KIAA1958: variants seen among roughly 807,000 people sequenced by gnomAD.
KIAA1958 encodes KIAA1958, also known as uncharacterized protein KIAA1958.
A neutral mutation model predicts 47.2 loss-of-function variants in KIAA1958; 14 were observed. The ratio of observed to expected loss-of-function variants is 0.30; its 90% confidence interval spans 0.20 to 0.46. The LOEUF (loss-of-function observed/expected upper bound fraction) is 0.46. KIAA1958 is among the 20% of genes least tolerant of loss of function. The pLI is 1.00. For synonymous variants in KIAA1958, 354 were observed against 353.3 expected (o/e 1.00, Z -0.02); for missense variants, 803 against 909.2 (o/e 0.88, Z 1.50).
Position 112,659,958 on chromosome 9 carries a change from A to G in KIAA1958, c.2040A>G (p.Gly680=), listed in dbSNP as rs1837245749. Residue 680 remains glycine, a synonymous_variant, in exon 4 of 4, where the codon GGA becomes GGG. Transcript: ENST00000337530. ...GGATGGGGCTGCGCTCTCTTCGGGG[A>G]ATTGTCCCAAACTTAGCCAAGAAGG... ...EQRMGLRSLR[G]IVPNLAKKVK... is the part of the protein sequence containing the mutation. 6.2e-7 allele frequency: 1 copy of G among 1,614,188 alleles called. No individual in the cohort carries two copies. Among genetic ancestry groups the G allele is most frequent in the East Asian group, 2.2e-5 (1 of 44,876 alleles).
chr9:112,658,464 G>T (rs1837192808), intron 3 of KIAA1958, among the ~76,000 whole-genome samples: 1 of 152,104 alleles, frequency 6.6e-6, no homozygotes, highest in South Asian at 2.1e-4. Flanking sequence ...AGAAAACCAA[G>T]GGCCTTCCAA....
At chr9:112,571,851 AAAAT>A (rs994603858) in intron 1 of KIAA1958, among the ~76,000 whole-genome samples, 3 of 119,802 alleles carry the variant, frequency 2.5e-5, no homozygotes, top group African/African-American at 5.1e-5. Context: ...AAAAAGAAAT[AAAAT>A]AAAAAAAGTT....
chr9:112,563,041 CTT>C (rs1245015003), intron 1 of KIAA1958, among the ~76,000 whole-genome samples: 1 of 135,250 alleles, frequency 7.4e-6, no homozygotes, highest in African/African-American at 2.9e-5. Flanking sequence ...CTCTCTCTCT[CTT>C]TCTCTCTCTC....
chr9:112,529,989 G>A lies in KIAA1958; in HGVS notation c.-25+42871G>A, dbSNP rs370753630. Among the ~76,000 whole-genome samples the A allele has an allele frequency of 5.9e-5, 9 of 152,164 alleles. No homozygotes were observed. The South Asian group carries it at 8.3e-4, about 14-fold the overall frequency. ...CTCCTGAGTAGCTGGGACTATAGGC[G>A]CCCGCCACCACGCCCAGCTAATTTT... On this transcript the variant is annotated intron_variant, in intron 1 of 3. Transcript: ENST00000337530.
At chr9:112,536,707 A>G (rs1255279622) in intron 1 of KIAA1958, among the ~76,000 whole-genome samples, 1 of 152,138 alleles carries the variant, frequency 6.6e-6, no homozygotes, top group Admixed American at 6.5e-5. Flanking sequence ...CTTGAGCCCA[A>G]GAGTTTGAGG....
chr9:112,520,311 T>A (rs1834516394), intron 1 of KIAA1958, among the ~76,000 whole-genome samples: 1 of 152,062 alleles, frequency 6.6e-6, no homozygotes, highest in East Asian at 1.9e-4. Flanking sequence ...TGTGGTATAG[T>A]CTCAAATAAC....
At chr9:112,627,137 G>A (rs1836630972) in intron 2 of KIAA1958, among the ~76,000 whole-genome samples, 1 of 152,184 alleles carries the variant, frequency 6.6e-6, no homozygotes, top group Non-Finnish European at 1.5e-5. Flanking sequence ...TGCCAAACTT[G>A]AAAATCTTGT....
At chr9:112,525,935 T>TCTCCTC (rs1564159410) in intron 1 of KIAA1958, among the ~76,000 whole-genome samples, 1 of 7,334 alleles carries the variant, frequency 1.4e-4, no homozygotes, top group African/African-American at 1.1e-3. Flanking sequence ...TTCTTCTTCT[T>TCTCCTC]CTTCTTCTTC....
rs1427553723 is a variant in KIAA1958, at chr9:112,501,484, G to A, written c.-25+14366G>A. Among the ~76,000 whole-genome samples, 4 of 152,044 alleles carry A rather than the reference G, an allele frequency of 2.6e-5. No individual in the cohort carries two copies. In the East Asian group the frequency reaches 7.7e-4, roughly 29 times the overall value. ...TGAAACCAAGTTGAGAAGTGAGAAC[G>A]CTGCCAAGAGGGCAGCCAACCAGGG... On this transcript the variant is annotated intron_variant, in intron 1 of 3. Transcript: ENST00000337530.
intron 1 of KIAA1958, among the ~76,000 whole-genome samples, chr9:112,533,743 A>C (rs1173972210): frequency 6.6e-6 from 1 of 152,136 alleles, no homozygotes; most frequent in Non-Finnish European, 1.5e-5. Context: ...AGACATTTGT[A>C]AAATCATCAG....
At chr9:112,527,084 CTT>C (rs1466097267) in intron 1 of KIAA1958, among the ~76,000 whole-genome samples, 1 of 152,172 alleles carries the variant, frequency 6.6e-6, no homozygotes, top group Non-Finnish European at 1.5e-5. Context: ...TGACTGTTCT[CTT>C]TGCCAGGAAT....
intron 1 of KIAA1958, among the ~76,000 whole-genome samples, chr9:112,533,390 CA>C (rs1834786931): frequency 6.8e-6 from 1 of 146,768 alleles, no homozygotes; most frequent in Admixed American, 6.9e-5. Flanking sequence ...CCCTGGCTAA[CA>C]CGGTGAAACC....
chr9:112,509,080 T>C (rs1462387573), intron 1 of KIAA1958, among the ~76,000 whole-genome samples: 1 of 123,874 alleles, frequency 8.1e-6, no homozygotes, highest in African/African-American at 2.6e-5. Flanking sequence ...TGTAGATACA[T>C]TTAATGTTTT....
rs1245430653 is a variant in KIAA1958 at position 112,558,796 on chromosome 9, C to T, written c.-24-15261C>T. ...TGATATACACCGTAGCTTCAGATCT[C>T]ATTCCCATGAGCAAATATTTCACAG... On this transcript the variant is annotated intron_variant, in intron 1 of 3. Coordinates refer to ENST00000337530, the MANE Select transcript of KIAA1958 (RefSeq NM_133465.4). Among the ~76,000 whole-genome samples the T allele has an allele frequency of 3.3e-5, 5 of 152,286 alleles. No individual in the cohort carries two copies. In the East Asian group the frequency reaches 7.7e-4, roughly 23 times the overall value.
At chr9:112,600,755 AGAG>A (rs1306545182) in intron 2 of KIAA1958, among the ~76,000 whole-genome samples, 2 of 152,248 alleles carry the variant, frequency 1.3e-5, no homozygotes, top group Admixed American at 6.5e-5. Context: ...AAGTAGCAAT[AGAG>A]GAGGAGCTCG....
rs779817828 is a variant in KIAA1958, at chr9:112,575,047, A to G, written c.967A>G (p.Ile323Val). Residue 323 changes from isoleucine (I) to valine (V), a missense_variant, in exon 2 of 4, where the codon ATC becomes GTC. Coordinates refer to ENST00000337530, the MANE Select transcript of KIAA1958 (RefSeq NM_133465.4). ...ATCCCATCCTAACAAACAGATCAGT[A>G]TCCCCTTGTCTGCCCTGCAGCTGCC... ...STSHPNKQIS[I>V]PLSALQLPGQ... The G allele has an allele frequency of 5.6e-6, 9 of 1,614,034 alleles. No individual in the cohort carries two copies. The highest frequency in any genetic ancestry group is 1.1e-5 in the South Asian group (1 of 91,088).
At chr9:112,531,771 C>T (rs554998024) in intron 1 of KIAA1958, among the ~76,000 whole-genome samples, 6 of 152,256 alleles carry the variant, frequency 3.9e-5, no homozygotes, top group South Asian at 4.1e-4. Flanking sequence ...TATCTTATTT[C>T]GTATTTTAAA....
intron 2 of KIAA1958, among the ~76,000 whole-genome samples, chr9:112,610,956 A>G (rs912685190): frequency 2.0e-5 from 3 of 152,218 alleles, no homozygotes; most frequent in Non-Finnish European, 2.9e-5. Flanking sequence ...ATCTTTTAAT[A>G]GAGCAAAAGA....
In KIAA1958 at chr9:112,531,377, A is replaced by G. The variant is rs185816446; in HGVS notation, c.-24-42680A>G. 2.9e-3 allele frequency among the ~76,000 whole-genome samples: 449 copies of G among 152,304 alleles called. 3 individuals are homozygous for G. The highest frequency in any genetic ancestry group is 0.01 in the African/African-American group (428 of 41,562). On this transcript the variant is annotated intron_variant, in intron 1 of 3. Transcript: ENST00000337530. ...CACTCCAGCCTGGGCAACAAGAGTA[A>G]ACTCCATCTCAAAAAAATAAAAAAT...
Sources: gnomAD v4.1 joint callset for allele counts (sites outside exome capture counted in the v4.1 genomes callset) on GRCh38, gnomAD v4.1.1 for gene constraint, MANE v1.5 for transcripts, NCBI Gene and HGNC (gene_info 2026-07-23, HGNC 2026-07-21) for gene names.